Variants in PLAU observed in about 807,000 individuals in gnomAD.
PLAU encodes the protein urokinase-type plasminogen activator.
PLAU carries 32 observed loss-of-function variants against 48.9 expected under a neutral mutation model. The ratio of observed to expected loss-of-function variants is 0.65; its 90% CI spans 0.49 to 0.88. The LOEUF (loss-of-function observed/expected upper bound fraction) is 0.88. PLAU is among the 40% of genes least tolerant of loss of function. The pLI, the probability that PLAU is intolerant of heterozygous loss-of-function variation, is 0.00. For missense variants in PLAU, 455 were observed against 545.2 expected (o/e 0.83, Z 1.65); for synonymous variants, 199 against 205.7 (o/e 0.97, Z 0.28).
At position 73,913,660 on chromosome 10, in the gene PLAU, G is replaced by A. The variant is rs760979977; in HGVS notation, c.582G>A (p.Ala194=). The change falls in exon 7 of 11, where the codon GCG becomes GCA. Residue 194 remains alanine, a synonymous_variant. Transcript: ENST00000372764. ...FTTIENQPWF[A]AIYRRHRGGS... ...CCATCGAGAACCAGCCCTGGTTTGC[G>A]GCCATCTACAGGAGGCACCGGGGGG... 134 of 1,613,774 alleles carry A rather than the reference G, an allele frequency of 8.3e-5. No individual in the cohort carries two copies. Among genetic ancestry groups the A allele is most frequent in the Admixed American group, 6.7e-5 (4 of 59,966 alleles).
At chr10:73,913,152 T>C in intron 5 of PLAU, 54 bp downstream of exon 5, 1 of 1,590,792 alleles carries the variant, frequency 6.3e-7, no homozygotes, top group Non-Finnish European at 8.6e-7. Flanking sequence ...CCCAGAAACC[T>C]TGTTACCATC....
At chr10:73,912,824 T>C in intron 4 of PLAU, 100 bp from the exon 5 acceptor site, 1 of 903,384 alleles carries the variant, frequency 1.1e-6, no homozygotes, top group Non-Finnish European at 1.7e-6. Context: ...GCACTCCAAC[T>C]GGGCGACAGA....
rs994308305 is a variant in PLAU, at chr10:73,911,161, G to C, written c.-89G>C. On this transcript the variant is annotated 5_prime_UTR_variant, in exon 1 of 11. Transcript: ENST00000372764. ...TGCGGAGACCGCAGCCCCGGAGCCC[G>C]GGCCAGGGTCCACCTGTCCCCGCAG... 1 of 243,172 alleles carries C rather than the reference G, an allele frequency of 4.1e-6. No homozygotes were observed. The highest frequency in any genetic ancestry group is 2.3e-5 in the African/African-American group (1 of 43,046). 15.1% of individuals were successfully genotyped at this position (243,172 alleles called of 1,614,324 possible).
In PLAU at chr10:73,913,694, A is replaced by G. The variant is rs779278566; in HGVS notation, c.616A>G (p.Thr206Ala). ...IYRRHRGGSV[T>A]YVCGGSLISP... ...CAGGAGGCACCGGGGGGGCTCTGTCACCTACGTGTGTGGAGGCAGCCTCAT... is the reference window on the plus strand; with the variant it reads ...CAGGAGGCACCGGGGGGGCTCTGTCGCCTACGTGTGTGGAGGCAGCCTCAT... Residue 206 changes from threonine (T) to alanine (A), a missense_variant, in exon 7 of 11, where the codon ACC becomes GCC. Physicochemically the swap from Thr to Ala is moderately conservative, Grantham distance 58. Transcript: ENST00000372764. 1.2e-6 allele frequency: 2 copies of G among 1,613,112 alleles called. No individual in the cohort carries two copies. Among genetic ancestry groups the G allele is most frequent in the Non-Finnish European group, 1.7e-6 (2 of 1,179,670 alleles).
At position 73,916,527 on chromosome 10, in the gene PLAU, C is replaced by T. The variant is rs779534915; in HGVS notation, c.1258C>T (p.Arg420Cys). The T allele has an allele frequency of 2.4e-5, 38 of 1,613,696 alleles. 1 individual carries two copies. The highest frequency in any genetic ancestry group is 1.0e-4 in the Admixed American group (6 of 59,994). The part of the protein sequence containing the change: ...TRVSHFLPWI[R>C]SHTKEENGLA... ...AGTCTCACACTTCTTACCCTGGATC[C>T]GCAGTCACACCAAGGAAGAGAATGG... The change falls in exon 11 of 11, where the codon CGC becomes TGC. Residue 420 changes from arginine (R) to cysteine (C), a missense_variant. By Grantham distance (180) the Arg-to-Cys change is radical. Transcript: ENST00000372764.
In PLAU at chr10:73,911,592, C is replaced by T; in HGVS notation, c.37C>T (p.Leu13=). The T allele has an allele frequency of 5.6e-6, 9 of 1,613,846 alleles. No individual in the cohort carries two copies. Among genetic ancestry groups the T allele is most frequent in the Non-Finnish European group, 5.9e-6 (7 of 1,180,014 alleles). Residue 13 remains leucine (L), a synonymous_variant, in exon 2 of 11, where the codon CTG becomes TTG. Coordinates refer to ENST00000372764, the MANE Select transcript of PLAU (RefSeq NM_002658.6). ...ALLARLLLCV[L]VVSDSKGSNE... is the part of the protein sequence containing the mutation. ...GCTGGCGCGCCTGCTTCTCTGCGTC[C>T]TGGTCGTGAGCGACTCCAAAGTGAG...
chr10:73,917,369 G>A lies in PLAU; in HGVS notation c.*804G>A, dbSNP rs1359156730. ...CCAGTTATCCCTTCCTTTTAGCCTAGTTCATCCAATCCTCACTGGGTGGGG... is the reference window on the plus strand; with the variant it reads ...CCAGTTATCCCTTCCTTTTAGCCTAATTCATCCAATCCTCACTGGGTGGGG... On this transcript the variant is annotated 3_prime_UTR_variant, in exon 11 of 11. Coordinates refer to ENST00000372764, the MANE Select transcript of PLAU (RefSeq NM_002658.6). 6.6e-6 allele frequency: 1 copy of A among 152,244 alleles called. No individual in the cohort carries two copies. Among genetic ancestry groups the A allele is most frequent in the Non-Finnish European group, 1.5e-5 (1 of 67,984 alleles). 9.4% of individuals were successfully genotyped at this position (152,244 alleles called of 1,614,324 possible).
upstream of PLAU, chr10:73,910,556 C>T (rs1048019308): frequency 2.6e-5 from 4 of 152,204 alleles, no homozygotes; most frequent in African/African-American, 9.7e-5. Context: ...AGCAATAAGC[C>T]CGGCTTTGTT....
chr10:73,917,235 GGCCTCTTGGGTCCCCCACGTGACAGT>G lies in PLAU; in HGVS notation c.*675_*700del, dbSNP rs1303054774. ...TGGAGAGGTTATAGGTCACTCCTGG[GGCCTCTTGGGTCCCCCACGTGACAGT>G]GCCTGGGAATGTATTATTCTGCAGC... On this transcript the variant is annotated 3_prime_UTR_variant, in exon 11 of 11. Transcript: ENST00000372764. 1 of 152,510 alleles carries G rather than the reference GGCCTCTTGGGTCCCCCACGTGACAGT, an allele frequency of 6.6e-6. No individual in the cohort carries two copies. The highest frequency in any genetic ancestry group is 2.4e-5 in the African/African-American group (1 of 41,378). 9.4% of individuals were successfully genotyped at this position (152,510 alleles called of 1,614,324 possible). A position where few individuals can be genotyped will look rare whatever the true frequency, so the allele number is the denominator to read the frequency against.
Position 73,913,766 on chromosome 10 carries a change from C to T in PLAU, c.680+8C>T. 6.4e-7 allele frequency: 1 copy of T among 1,573,762 alleles called. No homozygotes were observed. The highest frequency in any genetic ancestry group is 8.6e-7 in the Non-Finnish European group (1 of 1,158,508). On this transcript the variant is annotated splice_region_variant and intron_variant, in intron 7 of 10. Transcript: ENST00000372764. Reference sequence around the variant, plus strand: ...CGCCACACACTGCTTCATGTACGGCCCTGGGTTTCTCCTCTTCGACTCTTC... The same window carrying T: ...CGCCACACACTGCTTCATGTACGGCTCTGGGTTTCTCCTCTTCGACTCTTC...
chr10:73,910,411 A>G (rs2096121586), upstream of PLAU: 1 of 152,266 alleles, frequency 6.6e-6, no homozygotes, highest in South Asian at 2.1e-4. Context: ...CTGTAACATC[A>G]TATCACGACA....
chr10:73,915,485 C>A, intron 10 of PLAU, 86 bp downstream of exon 10: 2 of 1,328,540 alleles, frequency 1.5e-6, no homozygotes, highest in Non-Finnish European at 2.1e-6. Flanking sequence ...GGGTGTCTCT[C>A]TCTAGCCAAA....
In PLAU at chr10:73,913,672, G is replaced by T; in HGVS notation, c.594G>T (p.Arg198Ser). Residue 198 changes from arginine to serine, a missense_variant, in exon 7 of 11, where the codon AGG becomes AGT. By Grantham distance (110) the Arg-to-Ser change is moderately radical. Coordinates refer to ENST00000372764, the MANE Select transcript of PLAU (RefSeq NM_002658.6). Reference sequence around the variant, plus strand: ...AGCCCTGGTTTGCGGCCATCTACAGGAGGCACCGGGGGGGCTCTGTCACCT... The same window carrying T: ...AGCCCTGGTTTGCGGCCATCTACAGTAGGCACCGGGGGGGCTCTGTCACCT... ...ENQPWFAAIY[R>S]RHRGGSVTYV... 6.2e-7 allele frequency: 1 copy of T among 1,613,758 alleles called. No homozygotes were observed. Among genetic ancestry groups the T allele is most frequent in the Non-Finnish European group, 8.5e-7 (1 of 1,179,940 alleles).
In PLAU at chr10:73,914,130, T is replaced by C; in HGVS notation, c.829+2T>C. On this transcript the variant is annotated splice_donor_variant, in intron 8 of 10. Transcript: ENST00000372764. LOFTEE classifies it high-confidence loss of function. ...CGCTTGCTCACCACAACGACATTGGTGAGGGGGAACCCCGCGACTACTGTG... is the reference window on the plus strand; with the variant it reads ...CGCTTGCTCACCACAACGACATTGGCGAGGGGGAACCCCGCGACTACTGTG... The C allele has an allele frequency of 6.2e-7, 1 of 1,613,914 alleles. No individual in the cohort carries two copies. The highest frequency in any genetic ancestry group is 8.5e-7 in the Non-Finnish European group (1 of 1,179,974).
intron 10 of PLAU, among the ~76,000 whole-genome samples, chr10:73,915,616 G>A (rs1044948841): frequency 2.0e-5 from 3 of 152,144 alleles, no homozygotes; most frequent in Non-Finnish European, 4.4e-5. Flanking sequence ...CTGGGGGCAC[G>A]AGATCCTAGA....
At chr10:73,911,467 C>T (rs955923411) in intron 1 of PLAU, 58 bp from the exon 2 acceptor site, 47 of 1,521,458 alleles carry the variant, frequency 3.1e-5, no homozygotes, top group Non-Finnish European at 4.1e-5. Context: ...TGCAGTCGCC[C>T]GCCTGGCCTG....
At chr10:73,915,590 C>T (rs550846533) in intron 10 of PLAU, among the ~76,000 whole-genome samples, 191 bp downstream of exon 10, 4 of 152,236 alleles carry the variant, frequency 2.6e-5, no homozygotes, top group Non-Finnish European at 4.4e-5. Flanking sequence ...CCCAGCTCTG[C>T]GCTAGTCACT....
At chr10:73,912,861 AT>A (rs1354776849) in intron 4 of PLAU, 62 bp from the exon 5 acceptor site, 34 of 1,406,794 alleles carry the variant, frequency 2.4e-5, no homozygotes, top group African/African-American at 2.3e-4. Flanking sequence ...AAAAAAAAAA[AT>A]AAAAGTTAGT....
In PLAU at chr10:73,913,588, A is replaced by C; in HGVS notation, c.510A>C (p.Gln170His). Residue 170 changes from glutamine (Q) to histidine (H), a missense_variant, in exon 7 of 11, where the codon CAA (glutamine) becomes CAC (histidine). Coordinates refer to ENST00000372764, the MANE Select transcript of PLAU (RefSeq NM_002658.6). ...AAGAATTAAAATTTCAGTGTGGCCA[A>C]AAGACTCTGAGGCCCCGCTTTAAGA... Reference protein sequence around the residue: ...PPEELKFQCGQKTLRPRFKII... With the variant: ...PPEELKFQCGHKTLRPRFKII... 1.2e-6 allele frequency: 2 copies of C among 1,613,898 alleles called. No homozygotes were observed. The highest frequency in any genetic ancestry group is 1.7e-6 in the Non-Finnish European group (2 of 1,179,958).
Sources: gnomAD v4.1 joint callset for allele counts (sites outside exome capture counted in the v4.1 genomes callset) on GRCh38, gnomAD v4.1.1 for gene constraint, MANE v1.5 for transcripts, NCBI Gene and HGNC (gene_info 2026-07-23, HGNC 2026-07-21) for gene names.